Variants in PPFIA2 observed in about 807,000 individuals in gnomAD.
PPFIA2 encodes liprin-alpha-2.
In PPFIA2, 46 loss-of-function variants were observed where a neutral mutation model predicts 175.5. The ratio of observed to expected loss-of-function variants is 0.26; its 90% confidence interval spans 0.21 to 0.34. The LOEUF (loss-of-function observed/expected upper bound fraction) is 0.34, where lower values mean the gene tolerates loss of function less well. Ranked by LOEUF, PPFIA2 falls within the 10% of genes least tolerant of loss-of-function variation. The pLI is 1.00. For synonymous variants in PPFIA2, 568 were observed against 511.4 expected, an observed-to-expected ratio of 1.11 and a Z score of -1.49; for missense variants, 1,179 against 1,506.1, an observed-to-expected ratio of 0.78 and a Z score of 3.60.
chr12:81,374,755 T>G lies in PPFIA2; in HGVS notation c.1145A>C (p.Asn382Thr). ...CTCAAGACGTTCTTGTAACTGTCTGTTTTTCTCTTCCATCTGAAATGGGAA... is the reference window on the plus strand; with the variant it reads ...CTCAAGACGTTCTTGTAACTGTCTGGTTTTCTCTTCCATCTGAAATGGGAA... ...EAILRQMEEK[N>T]RQLQERLELA... The change falls in exon 11 of 33, where the codon AAC becomes ACC. Residue 382 changes from asparagine (N) to threonine (T), a missense_variant. Around this residue, in one of 10 missense-constraint regions of PPFIA2, gnomAD observed 226 missense variants for 216.6 expected, o/e 1.04. Coordinates refer to ENST00000549396, the MANE Select transcript of PPFIA2 (RefSeq NM_003625.5). The G allele has an allele frequency of 6.2e-7, 1 of 1,612,434 alleles. No individual in the cohort carries two copies. Among genetic ancestry groups the G allele is most frequent in the Non-Finnish European group, 8.5e-7 (1 of 1,179,092 alleles).
At chr12:81,472,061 C>A (rs1025822880) in intron 4 of PPFIA2, among the ~76,000 whole-genome samples, 1 of 151,994 alleles carries the variant, frequency 6.6e-6, no homozygotes, top group Non-Finnish European at 1.5e-5. Context: ...AATATGGATG[C>A]TCCTTGAAAA....
intron 4 of PPFIA2, among the ~76,000 whole-genome samples, chr12:81,483,677 AT>A (rs139357726): frequency 2.5e-4 from 38 of 151,242 alleles, no homozygotes; most frequent in Admixed American, 1.1e-3. Context: ...ATTTTATGCT[AT>A]TTTTTTTTCT....
At chr12:81,373,879 G>A (rs1006902938) in intron 11 of PPFIA2, among the ~76,000 whole-genome samples, 6 of 152,084 alleles carry the variant, frequency 3.9e-5, no homozygotes, top group African/African-American at 1.4e-4. Context: ...TATAAATTGT[G>A]TGATTATTTT....
At chr12:81,750,593 A>T (rs1922541) in intron 3 of PPFIA2, among the ~76,000 whole-genome samples, 127,519 of 151,584 alleles carry the variant, frequency 0.84, 54,967 homozygotes, top group Middle Eastern at 0.96. Flanking sequence ...GGGCATAGCT[A>T]AGAAACTTCA....
intron 3 of PPFIA2, among the ~76,000 whole-genome samples, chr12:81,730,786 G>A (rs1319419387): frequency 6.6e-6 from 1 of 151,456 alleles, no homozygotes; most frequent in Non-Finnish European, 1.5e-5. Flanking sequence ...AGTTCACCAT[G>A]TTCCAATTAA....
chr12:81,263,129 C>G, intron 31 of PPFIA2, 102 bp downstream of exon 31: 2 of 1,225,340 alleles, frequency 1.6e-6, no homozygotes, highest in Non-Finnish European at 2.2e-6. Context: ...GCAGAGCAAA[C>G]CAACTCAAGA....
intron 8 of PPFIA2, among the ~76,000 whole-genome samples, chr12:81,397,687 G>T (rs886658712): frequency 6.6e-6 from 1 of 151,998 alleles, no homozygotes; most frequent in Non-Finnish European, 1.5e-5. Context: ...CAGTCGACCA[G>T]GGGTGCCCAC....
chr12:81,609,898 T>C (rs1422341457), intron 4 of PPFIA2, among the ~76,000 whole-genome samples: 1 of 152,146 alleles, frequency 6.6e-6, no homozygotes, highest in Non-Finnish European at 1.5e-5. Context: ...TGTGTTTTTG[T>C]GGTAGCAGGT....
intron 4 of PPFIA2, among the ~76,000 whole-genome samples, chr12:81,515,074 A>G (rs568843203): frequency 4.3e-4 from 65 of 152,098 alleles, no homozygotes; most frequent in Non-Finnish European, 8.4e-4. Context: ...CGTGAATTTT[A>G]TATCACTGGT....
chr12:81,646,405 CTG>C (rs2066082342), intron 4 of PPFIA2, among the ~76,000 whole-genome samples: 1 of 152,106 alleles, frequency 6.6e-6, no homozygotes, highest in Non-Finnish European at 1.5e-5. Context: ...CAGCATAAGA[CTG>C]GGGCTGGAGG....
intron 22 of PPFIA2, among the ~76,000 whole-genome samples, chr12:81,321,842 G>C (rs985723640): frequency 5.3e-5 from 8 of 152,072 alleles, no homozygotes; most frequent in Non-Finnish European, 1.0e-4. Flanking sequence ...AATTTTGGGG[G>C]GCAGGCCCAT....
intron 3 of PPFIA2, among the ~76,000 whole-genome samples, chr12:81,700,041 C>A (rs140151335): frequency 1.2e-3 from 180 of 152,034 alleles, no homozygotes; most frequent in African/African-American, 4.2e-3. Flanking sequence ...AAATATTGGA[C>A]TTTCCCATAT....
intron 4 of PPFIA2, among the ~76,000 whole-genome samples, chr12:81,653,132 T>C (rs1405016100): frequency 6.6e-6 from 1 of 152,090 alleles, no homozygotes; most frequent in African/African-American, 2.4e-5. Context: ...GTTCAGTCCT[T>C]GTTCTATTTC....
chr12:81,715,021 T>C (rs1357512222), intron 3 of PPFIA2, among the ~76,000 whole-genome samples: 1 of 150,998 alleles, frequency 6.6e-6, no homozygotes, highest in African/African-American at 2.4e-5. Flanking sequence ...GTGGAAAGTT[T>C]GTTCCAAACT....
At position 81,259,386 on chromosome 12, in the gene PPFIA2, A is replaced by G. The variant is rs1248672869; in HGVS notation, c.*308T>C. The G allele has an allele frequency of 7.9e-6, 5 of 629,094 alleles. No homozygotes were observed. The highest frequency in any genetic ancestry group is 2.5e-4 in the Middle Eastern group (1 of 3,934). The allele number at this position is 629,094 out of a possible 1,614,324, so 39.0% of individuals were successfully genotyped here. On this transcript the variant is annotated 3_prime_UTR_variant, in exon 33 of 33. Coordinates refer to ENST00000549396, the MANE Select transcript of PPFIA2 (RefSeq NM_003625.5). The stretch of plus-strand genomic sequence containing the variant: ...AATGCCTAGTATATTACAATAAAAC[A>G]TGAAAAACAACTGGCTTCATTTCAT...
chr12:81,703,238 T>G (rs1345094005), intron 3 of PPFIA2, among the ~76,000 whole-genome samples: 3 of 152,166 alleles, frequency 2.0e-5, no homozygotes, highest in African/African-American at 7.2e-5. Context: ...GCAATCTGTT[T>G]ATCAGACATC....
At chr12:81,740,557 T>G (rs925584860) in intron 3 of PPFIA2, among the ~76,000 whole-genome samples, 1 of 152,196 alleles carries the variant, frequency 6.6e-6, no homozygotes, top group Non-Finnish European at 1.5e-5. Flanking sequence ...TGATGGTTGT[T>G]GCTACCTTAC....
chr12:81,708,301 A>G (rs1287128068), intron 3 of PPFIA2, among the ~76,000 whole-genome samples: 1 of 152,158 alleles, frequency 6.6e-6, no homozygotes, highest in African/African-American at 2.4e-5. Flanking sequence ...AGGGTGGTAT[A>G]TAATTTAAAA....
At chr12:81,352,981 G>C (rs1299368812) in intron 17 of PPFIA2, 138 bp downstream of exon 17, 2 of 683,126 alleles carry the variant, frequency 2.9e-6, no homozygotes, top group Non-Finnish European at 5.0e-6. Flanking sequence ...GATTCAGTGT[G>C]TACGGGGTGA....
Sources: gnomAD v4.1 joint callset for allele counts (sites outside exome capture counted in the v4.1 genomes callset) on GRCh38, gnomAD v4.1.1 for gene constraint, gnomAD v4.1.1 regional missense constraint, MANE v1.5 for transcripts, NCBI Gene and HGNC (gene_info 2026-07-23, HGNC 2026-07-21) for gene names.